Variants in FHIT observed in about 807,000 individuals in gnomAD.
The protein encoded by FHIT is fragile histidine triad diadenosine triphosphatase, also known as bis(5'-adenosyl)-triphosphatase.
FHIT carries 19 observed loss-of-function variants against 17.9 expected under a neutral mutation model. The observed-to-expected ratio is 1.06, with a 90% CI of 0.74 to 1.56. FHIT has a LOEUF of 1.56. FHIT is among the 40% of genes most tolerant of loss of function. The pLI, the probability that FHIT is intolerant of heterozygous loss-of-function variation, is 0.00. For missense variants in FHIT, 248 were observed against 189.2 expected (o/e 1.31, Z -1.82); for synonymous variants, 81 against 69.7 (o/e 1.16, Z -0.81).
In FHIT at chr3:60,910,427, T is replaced by TC. The variant is rs1264341999; in HGVS notation, c.-110-88417dup. On this transcript the variant is annotated intron_variant, in intron 3 of 9. Transcript: ENST00000492590. ...CTTTCTCTCTTTTTTTTTTTTTTTT[T>TC]CCCAGACGGAGTCTCGCTTTGTCGC... Among the ~76,000 whole-genome samples, 5 of 148,994 alleles carry TC rather than the reference T, an allele frequency of 3.4e-5. 1 individual carries two copies. Among genetic ancestry groups the TC allele is most frequent in the Non-Finnish European group, 4.4e-5 (3 of 67,580 alleles).
At chr3:60,024,830 T>C (rs1367465209) in intron 5 of FHIT, among the ~76,000 whole-genome samples, 2 of 152,192 alleles carry the variant, frequency 1.3e-5, no homozygotes, top group African/African-American at 2.4e-5. Flanking sequence ...TCTGTATTTA[T>C]TCGCCATGCA....
intron 4 of FHIT, among the ~76,000 whole-genome samples, chr3:60,696,455 C>T (rs2041116155): frequency 6.6e-6 from 1 of 152,140 alleles, no homozygotes. Flanking sequence ...CAAGTGCTTG[C>T]CATGCAAAAT....
At chr3:60,357,226 G>T (rs965117197) in intron 5 of FHIT, among the ~76,000 whole-genome samples, 1 of 151,866 alleles carries the variant, frequency 6.6e-6, no homozygotes, top group African/African-American at 2.4e-5. Context: ...GTTTGTTTCT[G>T]AGATGGAGTT....
At chr3:60,116,734 C>G (rs775044243) in intron 5 of FHIT, among the ~76,000 whole-genome samples, 1 of 152,014 alleles carries the variant, frequency 6.6e-6, no homozygotes, top group Non-Finnish European at 1.5e-5. Context: ...GGCAGATTGG[C>G]CAAGAAGGAA....
At chr3:59,917,498 G>A (rs774035374) in intron 8 of FHIT, among the ~76,000 whole-genome samples, 3 of 152,174 alleles carry the variant, frequency 2.0e-5, no homozygotes, top group Non-Finnish European at 4.4e-5. Context: ...ATCTAAGGAC[G>A]CATTTGGGTC....
At chr3:60,019,903 T>C (rs75504143) in intron 5 of FHIT, among the ~76,000 whole-genome samples, 1,562 of 152,314 alleles carry the variant, frequency 0.01, 26 homozygotes, top group African/African-American at 0.035. Context: ...ACATTGCACA[T>C]CTGCCACTAT....
intron 6 of FHIT, among the ~76,000 whole-genome samples, chr3:60,013,080 G>A (rs760969452): frequency 6.6e-6 from 1 of 152,102 alleles, no homozygotes; most frequent in Non-Finnish European, 1.5e-5. Flanking sequence ...TCTTAACACA[G>A]ACATGGCAGC....
intron 4 of FHIT, among the ~76,000 whole-genome samples, chr3:60,663,508 T>C (rs1553691698): frequency 6.6e-6 from 1 of 152,090 alleles, no homozygotes; most frequent in African/African-American, 2.4e-5. Flanking sequence ...CAATCTCGGC[T>C]CACTGCAACC....
intron 3 of FHIT, among the ~76,000 whole-genome samples, chr3:60,886,673 C>T (rs1256888574): frequency 1.3e-5 from 2 of 152,140 alleles, no homozygotes; most frequent in African/African-American, 4.8e-5. Context: ...ATTCCAAGTA[C>T]TCATTGTCAT....
At chr3:60,681,301 A>G (rs971388082) in intron 4 of FHIT, among the ~76,000 whole-genome samples, 1 of 152,142 alleles carries the variant, frequency 6.6e-6, no homozygotes, top group Non-Finnish European at 1.5e-5. Context: ...ATGGAGCCCA[A>G]TATAAGATGG....
intron 5 of FHIT, among the ~76,000 whole-genome samples, chr3:60,202,150 C>A (rs1195214424): frequency 6.6e-6 from 1 of 152,184 alleles, no homozygotes; most frequent in East Asian, 1.9e-4. Flanking sequence ...AGGAAGATAG[C>A]TGGAATTTTA....
chr3:61,211,731 G>A (rs535766720), intron 1 of FHIT, among the ~76,000 whole-genome samples: 19 of 152,314 alleles, frequency 1.2e-4, no homozygotes, highest in East Asian at 1.2e-3. Context: ...CCTGACCCCC[G>A]AGCAGCCTAA....
intron 8 of FHIT, among the ~76,000 whole-genome samples, chr3:59,832,897 G>A (rs1459115910): frequency 6.6e-6 from 1 of 152,136 alleles, no homozygotes; most frequent in Non-Finnish European, 1.5e-5. Context: ...TAAGAGCTCC[G>A]AGTCCTTTGA....
At chr3:60,965,462 C>G (rs2107513257) in intron 3 of FHIT, among the ~76,000 whole-genome samples, 1 of 152,344 alleles carries the variant, frequency 6.6e-6, no homozygotes, top group East Asian at 1.9e-4. Flanking sequence ...CTCCATCCAG[C>G]TTTGTTCCCT....
intron 5 of FHIT, among the ~76,000 whole-genome samples, chr3:60,379,644 C>A (rs1282771582): frequency 6.6e-6 from 1 of 152,046 alleles, no homozygotes; most frequent in African/African-American, 2.4e-5. Flanking sequence ...TATTGTTAAG[C>A]CATTAGGGCA....
chr3:60,227,833 G>A (rs1165676389), intron 5 of FHIT, among the ~76,000 whole-genome samples: 2 of 152,140 alleles, frequency 1.3e-5, no homozygotes, highest in African/African-American at 4.8e-5. Flanking sequence ...ATGCTGTACT[G>A]ACACTCATAC....
At chr3:60,140,395 G>A (rs147113826) in intron 5 of FHIT, among the ~76,000 whole-genome samples, 12 of 152,062 alleles carry the variant, frequency 7.9e-5, no homozygotes, top group East Asian at 1.9e-4. Context: ...AAAGTTCTCC[G>A]TGGGATTCTT....
chr3:60,211,311 G>C (rs1048627273), intron 5 of FHIT, among the ~76,000 whole-genome samples: 2 of 151,908 alleles, frequency 1.3e-5, no homozygotes, highest in East Asian at 3.9e-4. Context: ...TGTATATATT[G>C]TATTTGTATT....
chr3:60,794,215 T>C (rs536493151), intron 4 of FHIT, among the ~76,000 whole-genome samples: 1 of 152,200 alleles, frequency 6.6e-6, no homozygotes, highest in African/African-American at 2.4e-5. Flanking sequence ...TTTAAAAATA[T>C]GCAGATTGGA....
Sources: gnomAD v4.1 joint callset for allele counts (sites outside exome capture counted in the v4.1 genomes callset) on GRCh38, gnomAD v4.1.1 for gene constraint, MANE v1.5 for transcripts, NCBI Gene and HGNC (gene_info 2026-07-23, HGNC 2026-07-21) for gene names.